ABCB7: variants seen among roughly 807,000 people sequenced by gnomAD.
ABCB7 encodes the protein ATP binding cassette subfamily B member 7, also known as iron-sulfur clusters transporter ABCB7, mitochondrial.
In ABCB7, 7 loss-of-function variants were observed where a neutral mutation model predicts 54.4. That is an observed-to-expected ratio of 0.13 (90% CI 0.07 to 0.24). The LOEUF is 0.24. ABCB7 is among the 10% of genes least tolerant of loss of function. The probability of loss-of-function intolerance (pLI) is 1.00; values close to 1 mark genes in which losing one functional copy is unlikely to be tolerated. For missense variants in ABCB7, 356 were observed against 570.4 expected (o/e 0.62, Z 3.83); for synonymous variants, 218 against 207.1 (o/e 1.05, Z -0.45).
At position 75,084,613 on chromosome X, in the gene ABCB7, G is replaced by GA. The variant is rs202031138; in HGVS notation, c.454-7960dup. On this transcript the variant is annotated intron_variant, in intron 4 of 15. Coordinates refer to ENST00000373394, the MANE Select transcript of ABCB7 (RefSeq NM_001271696.3). ...GACAACAAAAGCATAATCCATAAAG[G>GA]AAAAAAATAATAAACTGAAATTTAT... Among the ~76,000 whole-genome samples the GA allele has an allele frequency of 8.3e-3, 915 of 110,749 alleles. 5 individuals are homozygous for GA. Among genetic ancestry groups the GA allele is most frequent in the Admixed American group, 0.012 (123 of 10,394 alleles).
chrX:75,119,809 A>AC (rs1056560773), intron 1 of ABCB7, among the ~76,000 whole-genome samples: 15 of 111,992 alleles, frequency 1.3e-4, no homozygotes, highest in African/African-American at 3.9e-4. Context: ...ATTGTATGCC[A>AC]CAGAAGTAAC....
intron 3 of ABCB7, among the ~76,000 whole-genome samples, chrX:75,103,843 A>ACC (rs2081659843): frequency 1.8e-5 from 2 of 108,853 alleles, no homozygotes; most frequent in Admixed American, 2.0e-4. Context: ...TACCAAATTT[A>ACC]TTTATCAGAT....
intron 1 of ABCB7, among the ~76,000 whole-genome samples, chrX:75,133,169 C>G (rs2081987059): frequency 8.9e-6 from 1 of 112,084 alleles, no homozygotes; most frequent in African/African-American, 3.2e-5. Context: ...GAAAAATTCT[C>G]TACAAGATTT....
At chrX:75,109,137 C>T (rs2081733682) in intron 3 of ABCB7, among the ~76,000 whole-genome samples, 1 of 111,905 alleles carries the variant, frequency 8.9e-6, no homozygotes, top group Non-Finnish European at 1.9e-5. Flanking sequence ...ACAAATTATA[C>T]TTCTCATGAA....
At chrX:75,108,704 G>A (rs1229985792) in intron 3 of ABCB7, among the ~76,000 whole-genome samples, 2 of 109,707 alleles carry the variant, frequency 1.8e-5, no homozygotes, top group Non-Finnish European at 3.8e-5. Flanking sequence ...GAAAAAGTTC[G>A]GAAATGACAG....
At chrX:75,093,762 T>TTAATAATAA (rs79978805) in intron 4 of ABCB7, among the ~76,000 whole-genome samples, 3 of 100,915 alleles carry the variant, frequency 3.0e-5, no homozygotes, top group Non-Finnish European at 4.0e-5. Flanking sequence ...ATATAGTATT[T>TTAATAATAA]TAATAATAAT....
At chrX:75,115,155 T>C (rs1192436700) in intron 1 of ABCB7, among the ~76,000 whole-genome samples, 8 of 104,695 alleles carry the variant, frequency 7.6e-5, no homozygotes, top group Admixed American at 7.3e-4. Flanking sequence ...GTAGTCCCAG[T>C]TACTCAGGAG....
intron 1 of ABCB7, among the ~76,000 whole-genome samples, chrX:75,148,640 T>C: frequency 9.0e-6 from 1 of 111,338 alleles, no homozygotes; most frequent in Non-Finnish European, 1.9e-5. Context: ...TAATCCAATA[T>C]GACCAGTATA....
chrX:75,074,664 G>GA (rs1257363660), intron 6 of ABCB7, among the ~76,000 whole-genome samples: 3 of 112,010 alleles, frequency 2.7e-5, no homozygotes, highest in African/African-American at 6.5e-5. Flanking sequence ...ATGCAGCCAT[G>GA]AAAAACAAAA....
intron 3 of ABCB7, among the ~76,000 whole-genome samples, chrX:75,107,356 C>A (rs2081713519): frequency 9.0e-6 from 1 of 111,349 alleles, no homozygotes; most frequent in Non-Finnish European, 1.9e-5. Flanking sequence ...GGTCACACAA[C>A]CTACTGAGAC....
At chrX:75,109,605 A>C (rs2081739605) in intron 3 of ABCB7, among the ~76,000 whole-genome samples, 1 of 112,104 alleles carries the variant, frequency 8.9e-6, no homozygotes, top group Admixed American at 9.5e-5. Flanking sequence ...AAGAAATGTA[A>C]TACCTCATAG....
chrX:75,132,703 T>C (rs1602405296), intron 1 of ABCB7, among the ~76,000 whole-genome samples: 1 of 112,719 alleles, frequency 8.9e-6, no homozygotes, highest in African/African-American at 3.2e-5. Flanking sequence ...TTAAGTATCA[T>C]CTGGATTAAA....
At chrX:75,103,564 T>C (rs2081657191) in intron 3 of ABCB7, among the ~76,000 whole-genome samples, 1 of 111,586 alleles carries the variant, frequency 9.0e-6, no homozygotes, top group African/African-American at 3.3e-5. Flanking sequence ...TCTAGCTTTG[T>C]TCTTTTTGCT....
chrX:75,153,758 G>GTATA (rs1331840413), intron 1 of ABCB7, among the ~76,000 whole-genome samples: 4 of 93,632 alleles, frequency 4.3e-5, no homozygotes, highest in African/African-American at 1.5e-4. Context: ...GTGTGTGTGT[G>GTATA]TGTATATATA....
intron 4 of ABCB7, among the ~76,000 whole-genome samples, chrX:75,077,897 G>C (rs2081423221): frequency 9.2e-6 from 1 of 108,242 alleles, no homozygotes; most frequent in Non-Finnish European, 1.9e-5. Flanking sequence ...TATAACCTTA[G>C]GTTCTTGCTT....
At chrX:75,085,462 A>C in intron 4 of ABCB7, among the ~76,000 whole-genome samples, 1 of 111,672 alleles carries the variant, frequency 9.0e-6, no homozygotes, top group Non-Finnish European at 1.9e-5. Flanking sequence ...ATGACTATAA[A>C]GAGGTAACAA....
At chrX:75,126,969 T>C (rs1301596935) in intron 1 of ABCB7, among the ~76,000 whole-genome samples, 2 of 111,548 alleles carry the variant, frequency 1.8e-5, no homozygotes, top group East Asian at 5.7e-4. Context: ...AGCTGAATTC[T>C]ACCCGAGGTA....
chrX:75,089,423 G>T (rs2081526988), intron 4 of ABCB7, among the ~76,000 whole-genome samples: 1 of 111,162 alleles, frequency 9.0e-6, no homozygotes, highest in Admixed American at 9.6e-5. Flanking sequence ...TAGGGGGAAT[G>T]AATTGGGAGT....
At chrX:75,082,089 A>C (rs779771102) in intron 4 of ABCB7, among the ~76,000 whole-genome samples, 17 of 111,743 alleles carry the variant, frequency 1.5e-4, no homozygotes, top group African/African-American at 4.9e-4. Flanking sequence ...ATAAACCTAT[A>C]ATTTCAAGAA....
Sources: gnomAD v4.1 joint callset for allele counts (sites outside exome capture counted in the v4.1 genomes callset) on GRCh38, gnomAD v4.1.1 for gene constraint, MANE v1.5 for transcripts, NCBI Gene and HGNC (gene_info 2026-07-23, HGNC 2026-07-21) for gene names.